PLXDC2: variants seen among roughly 807,000 people sequenced by gnomAD.
PLXDC2 encodes plexin domain-containing protein 2.
A neutral mutation model predicts 68.9 loss-of-function variants in PLXDC2; 40 were observed. The ratio of observed to expected loss-of-function variants is 0.58; its 90% CI spans 0.45 to 0.76. PLXDC2 has a LOEUF of 0.76. PLXDC2 is among the 30% of genes least tolerant of loss of function. The probability of loss-of-function intolerance (pLI) is 0.00; values close to 1 mark genes in which losing one functional copy is unlikely to be tolerated. For missense variants in PLXDC2, 644 were observed against 661.9 expected, an observed-to-expected ratio of 0.97 and a Z score of 0.30; for synonymous variants, 243 against 234.2, an observed-to-expected ratio of 1.04 and a Z score of -0.34.
intron 9 of PLXDC2, among the ~76,000 whole-genome samples, chr10:20,195,945 A>G (rs1834831542): frequency 6.6e-6 from 1 of 152,140 alleles, no homozygotes; most frequent in African/African-American, 2.4e-5. Context: ...CCTTTGTCCA[A>G]GGCACCAACA....
chr10:20,157,945 C>A (rs1460376871), intron 6 of PLXDC2, among the ~76,000 whole-genome samples: 3 of 152,004 alleles, frequency 2.0e-5, no homozygotes, highest in Non-Finnish European at 4.4e-5. Context: ...AATTGTAAAA[C>A]CAATTCCTCA....
At chr10:20,131,822 A>G (rs905827586) in intron 4 of PLXDC2, among the ~76,000 whole-genome samples, 8 of 152,092 alleles carry the variant, frequency 5.3e-5, no homozygotes, top group Non-Finnish European at 1.2e-4. Flanking sequence ...TAGTCCCTAT[A>G]TCATTCATAT....
intron 1 of PLXDC2, among the ~76,000 whole-genome samples, chr10:19,903,353 A>C (rs1416868517): frequency 1.4e-5 from 2 of 147,370 alleles, no homozygotes; most frequent in East Asian, 2.0e-4. Context: ...TTTCAATCTC[A>C]CTTGTTACTG....
Position 20,176,416 on chromosome 10 carries a change from C to G in PLXDC2, c.884-583C>G, listed in dbSNP as rs374148876. On this transcript the variant is annotated intron_variant, in intron 7 of 13. Transcript: ENST00000377252. ...TGTGTGTGTGTGTGTGTGTGTGTGT[C>G]TGTCGTGAGAACACTTAAAAATCTA... is the stretch of plus-strand genomic sequence containing the variant. Among the ~76,000 whole-genome samples the G allele has an allele frequency of 5.3e-4, 26 of 49,378 alleles. No individual in the cohort carries two copies. The South Asian group carries it at 9.0e-3, about 17-fold the overall frequency. The allele number at this position is 49,378 out of a possible 152,430, so 32.4% of individuals were successfully genotyped here. A position where few individuals can be genotyped will look rare whatever the true frequency, so the allele number is the denominator to read the frequency against.
At chr10:20,060,204 T>C (rs2131697974) in intron 3 of PLXDC2, among the ~76,000 whole-genome samples, 1 of 152,132 alleles carries the variant, frequency 6.6e-6, no homozygotes, top group South Asian at 2.1e-4. Flanking sequence ...TTCTTTTTTA[T>C]TTTTGTAGAG....
At chr10:19,880,745 C>A (rs967769266) in intron 1 of PLXDC2, among the ~76,000 whole-genome samples, 6 of 152,110 alleles carry the variant, frequency 3.9e-5, no homozygotes, top group African/African-American at 1.2e-4. Flanking sequence ...TTTTCTTATT[C>A]TTTTAGGGCC....
intron 5 of PLXDC2, among the ~76,000 whole-genome samples, chr10:20,144,085 T>C (rs954465301): frequency 1.3e-5 from 2 of 152,144 alleles, no homozygotes; most frequent in African/African-American, 4.8e-5. Context: ...TGAATTTTCA[T>C]CTCAACATCT....
At chr10:19,886,744 T>C (rs1837854067) in intron 1 of PLXDC2, among the ~76,000 whole-genome samples, 2 of 152,188 alleles carry the variant, frequency 1.3e-5, no homozygotes, top group Non-Finnish European at 2.9e-5. Flanking sequence ...TCACCACTCC[T>C]ATTCAACATA....
At chr10:20,246,111 A>C (rs560580288) in intron 13 of PLXDC2, among the ~76,000 whole-genome samples, 1 of 152,354 alleles carries the variant, frequency 6.6e-6, no homozygotes, top group South Asian at 2.1e-4. Flanking sequence ...CAATGAGAAC[A>C]CCATGCTGAA....
At chr10:19,971,726 A>T (rs777698996) in intron 1 of PLXDC2, among the ~76,000 whole-genome samples, 13 of 152,130 alleles carry the variant, frequency 8.5e-5, no homozygotes, top group Non-Finnish European at 1.6e-4. Context: ...AACATTTATT[A>T]AACTCCTTTT....
intron 1 of PLXDC2, among the ~76,000 whole-genome samples, chr10:19,880,554 T>A (rs1322143594): frequency 6.6e-6 from 1 of 152,228 alleles, no homozygotes; most frequent in African/African-American, 2.4e-5. Context: ...GGAGTTTGAA[T>A]GTGGGTAACT....
chr10:19,839,841 G>A (rs1266478265), intron 1 of PLXDC2, among the ~76,000 whole-genome samples: 1 of 152,116 alleles, frequency 6.6e-6, no homozygotes, highest in Non-Finnish European at 1.5e-5. Context: ...GGTTACATAT[G>A]TATTAACATC....
chr10:19,997,387 T>C (rs1428863074), intron 1 of PLXDC2, among the ~76,000 whole-genome samples: 1 of 152,200 alleles, frequency 6.6e-6, no homozygotes, highest in Admixed American at 6.5e-5. Context: ...AATCTGAATG[T>C]TTCAGAGGAT....
intron 1 of PLXDC2, among the ~76,000 whole-genome samples, chr10:19,978,765 T>C (rs185337433): frequency 2.2e-3 from 334 of 152,330 alleles, no homozygotes; most frequent in African/African-American, 7.6e-3. Context: ...TTAGTTTTGA[T>C]TACAATTGGA....
chr10:19,995,925 T>G (rs1283199173), intron 1 of PLXDC2, among the ~76,000 whole-genome samples: 2 of 152,178 alleles, frequency 1.3e-5, no homozygotes, highest in African/African-American at 4.8e-5. Context: ...AGTAACTATA[T>G]TCATTGTAGG....
intron 1 of PLXDC2, among the ~76,000 whole-genome samples, chr10:19,822,574 A>G (rs1177186753): frequency 2.0e-5 from 3 of 152,088 alleles, no homozygotes; most frequent in Non-Finnish European, 4.4e-5. Context: ...GGCTCTACCA[A>G]TTTACATTCC....
At chr10:20,000,307 C>G (rs904669693) in intron 1 of PLXDC2, among the ~76,000 whole-genome samples, 2 of 149,980 alleles carry the variant, frequency 1.3e-5, no homozygotes, top group Non-Finnish European at 3.0e-5. Flanking sequence ...TAGCCTCTAA[C>G]AATTCAATAA....
In PLXDC2 at chr10:20,211,653, G is replaced by A. The variant is rs963588034; in HGVS notation, c.1062-16G>A. ...TATCCTTCCTTTTCTGAACTGCATT[G>A]TGGTCTTCTTTGAAGATGTTCCAGT... is the stretch of plus-strand genomic sequence containing the variant. On this transcript the variant is annotated splice_polypyrimidine_tract_variant and intron_variant, in intron 9 of 13. Transcript: ENST00000377252. The A allele has an allele frequency of 1.2e-6, 2 of 1,612,496 alleles. No homozygotes were observed. Among genetic ancestry groups the A allele is most frequent in the Non-Finnish European group, 1.7e-6 (2 of 1,179,050 alleles).
At chr10:20,119,839 A>T (rs1833673100) in intron 4 of PLXDC2, among the ~76,000 whole-genome samples, 1 of 151,630 alleles carries the variant, frequency 6.6e-6, no homozygotes, top group South Asian at 2.1e-4. Flanking sequence ...ATTTAGAATT[A>T]TTGGTGATGG....
Sources: allele counts gnomAD v4.1 joint callset (sites outside exome capture counted in the v4.1 genomes callset), GRCh38; gene constraint gnomAD v4.1.1; transcripts MANE v1.5; gene names NCBI Gene and HGNC (gene_info 2026-07-23, HGNC 2026-07-21).